The following HEMK2 variants were observed in gnomAD, a reference collection of about 807,000 sequenced individuals.
HEMK2 encodes methyltransferase HEMK2.
chr21:28,736,567 G>A, the HEMK2 span, among the ~76,000 whole-genome samples: 3 of 152,150 alleles, frequency 2.0e-5, no homozygotes, highest in African/African-American at 7.2e-5. Flanking sequence ...GGCCAGCCTG[G>A]CCAACATGGT....
chr21:28,684,030 T>A, the HEMK2 span, among the ~76,000 whole-genome samples: 1 of 152,218 alleles, frequency 6.6e-6, no homozygotes, highest in Admixed American at 6.5e-5. Context: ...ACATAAGCAT[T>A]CCCATCTTAA....
At chr21:28,713,088 T>C in the HEMK2 span, among the ~76,000 whole-genome samples, 2 of 152,184 alleles carry the variant, frequency 1.3e-5, no homozygotes, top group African/African-American at 4.8e-5. Context: ...CCTTTTGCAA[T>C]GAATGGCATC....
chr21:28,825,061 A>G, the HEMK2 span, among the ~76,000 whole-genome samples: 1 of 152,200 alleles, frequency 6.6e-6, no homozygotes, highest in Non-Finnish European at 1.5e-5. Flanking sequence ...AAGGTTAGTT[A>G]GGAAGATCAG....
At chr21:28,763,218 C>G in the HEMK2 span, among the ~76,000 whole-genome samples, 1 of 152,244 alleles carries the variant, frequency 6.6e-6, no homozygotes, top group East Asian at 1.9e-4. Flanking sequence ...TAAAGAAATA[C>G]CTGAGGCTGG....
At chr21:28,885,027 G>A in the HEMK2 span, among the ~76,000 whole-genome samples, 5 of 152,070 alleles carry the variant, frequency 3.3e-5, no homozygotes, top group Admixed American at 6.6e-5. Flanking sequence ...ATGCGTCCCC[G>A]GCACACTCAT....
the HEMK2 span, among the ~76,000 whole-genome samples, chr21:28,876,733 T>C: frequency 6.6e-6 from 1 of 152,252 alleles, no homozygotes; most frequent in East Asian, 1.9e-4. Context: ...AGTCACAGCC[T>C]ACTTTTGACT....
At chr21:28,829,162 T>G in the HEMK2 span, among the ~76,000 whole-genome samples, 1 of 152,224 alleles carries the variant, frequency 6.6e-6, no homozygotes, top group African/African-American at 2.4e-5. Flanking sequence ...TGCAGCTGTC[T>G]CTTGAGAAAT....
the HEMK2 span, among the ~76,000 whole-genome samples, chr21:28,774,187 A>G: frequency 6.6e-6 from 1 of 152,282 alleles, no homozygotes; most frequent in Middle Eastern, 3.4e-3. Flanking sequence ...CTGGAGGCCT[A>G]TGACTATTTG....
At chr21:28,752,951 G>A in the HEMK2 span, among the ~76,000 whole-genome samples, 3 of 152,106 alleles carry the variant, frequency 2.0e-5, no homozygotes, top group Non-Finnish European at 4.4e-5. Context: ...TTCTCCATTC[G>A]TGCTTGGCAT....
At chr21:28,808,406 C>A in the HEMK2 span, among the ~76,000 whole-genome samples, 4 of 133,936 alleles carry the variant, frequency 3.0e-5, no homozygotes, top group African/African-American at 1.1e-4. Context: ...CAAATTCTAC[C>A]CTTCCAAAAA....
the HEMK2 span, among the ~76,000 whole-genome samples, chr21:28,653,561 TC>T: frequency 6.6e-6 from 1 of 152,168 alleles, no homozygotes; most frequent in South Asian, 2.1e-4. Context: ...CACAGGGACC[TC>T]CCTCAAGCAC....
chr21:28,670,718 C>T, the HEMK2 span, among the ~76,000 whole-genome samples: 1 of 152,202 alleles, frequency 6.6e-6, no homozygotes, highest in Non-Finnish European at 1.5e-5. Context: ...ACTCACAGTT[C>T]CACATGGCTG....
the HEMK2 span, among the ~76,000 whole-genome samples, chr21:28,712,194 T>C: frequency 5.3e-5 from 8 of 152,196 alleles, no homozygotes; most frequent in Non-Finnish European, 8.8e-5. Flanking sequence ...GGATCCCTGG[T>C]TGCCCACCAC....
chr21:28,839,084 T>C, the HEMK2 span, among the ~76,000 whole-genome samples: 1 of 146,036 alleles, frequency 6.8e-6, no homozygotes, highest in Non-Finnish European at 1.5e-5. Context: ...AGTCAATAAA[T>C]GTGATACAAC....
chr21:28,617,100 C>T, the HEMK2 span, among the ~76,000 whole-genome samples: 2 of 152,136 alleles, frequency 1.3e-5, no homozygotes, highest in Admixed American at 1.3e-4. Flanking sequence ...TGAAGTACAA[C>T]AAGGCAATAG....
At chr21:28,730,955 C>T in the HEMK2 span, among the ~76,000 whole-genome samples, 1 of 151,888 alleles carries the variant, frequency 6.6e-6, no homozygotes, top group African/African-American at 2.4e-5. Flanking sequence ...GGATTGGAGG[C>T]CTCCCTCTAC....
the HEMK2 span, among the ~76,000 whole-genome samples, chr21:28,682,506 G>T: frequency 4.0e-5 from 6 of 151,666 alleles, no homozygotes; most frequent in African/African-American, 7.3e-5. Flanking sequence ...ATTCCTCAGG[G>T]ATCTAGAACT....
the HEMK2 span, among the ~76,000 whole-genome samples, chr21:28,865,654 C>T: frequency 1.3e-5 from 2 of 152,290 alleles, no homozygotes; most frequent in Non-Finnish European, 2.9e-5. Flanking sequence ...GAGCTACTTG[C>T]AACTCCCTGA....
the HEMK2 span, among the ~76,000 whole-genome samples, chr21:28,790,447 C>A: frequency 6.6e-6 from 1 of 152,132 alleles, no homozygotes. Context: ...TACCAAAGTT[C>A]TGGTGTTTTG....
Sources: gnomAD v4.1 joint callset for allele counts (sites outside exome capture counted in the v4.1 genomes callset) on GRCh38, gnomAD v4.1.1 for gene constraint, MANE v1.5 for transcripts, NCBI Gene and HGNC (gene_info 2026-07-23, HGNC 2026-07-21) for gene names.